Variants in HIBCH observed in about 807,000 individuals in gnomAD.
The protein encoded by HIBCH is 3-hydroxyisobutyryl-CoA hydrolase, mitochondrial.
Under a neutral mutation model 58.2 loss-of-function variants are expected in HIBCH, and 50 were observed. The observed-to-expected ratio is 0.86, with a 90% CI of 0.68 to 1.09. The LOEUF is 1.09. Among genes scored for constraint, HIBCH ranks in the 50% least tolerant of loss-of-function variants. The pLI, the probability that HIBCH is intolerant of heterozygous loss-of-function variation, is 0.00. For synonymous variants in HIBCH, 151 were observed against 146.9 expected (o/e 1.03, Z -0.20); for missense variants, 450 against 449.7 (o/e 1.00, Z -0.01).
chr2:190,298,802 G>C (rs966266096), intron 2 of HIBCH, among the ~76,000 whole-genome samples: 4 of 152,110 alleles, frequency 2.6e-5, no homozygotes, highest in African/African-American at 9.7e-5. Flanking sequence ...TGGTGTTTTA[G>C]TTATGAAGTC....
Position 190,319,731 on chromosome 2 carries a change from C to CACATCTCG in HIBCH, c.12_19dup (p.Trp7SerfsTer23). ...TCTCACTCACCTCGACATGAGCCTCCACATCTCGCGCTGCCCCATCGCCAA... is the reference window on the plus strand; with the variant it reads ...TCTCACTCACCTCGACATGAGCCTCCACATCTCGACATCTCGCGCTGCCCCATCGCCAA... On this transcript the variant is annotated frameshift_variant, in exon 1 of 14. Transcript: ENST00000359678. LOFTEE classifies it high-confidence loss of function. The CACATCTCG allele has an allele frequency of 1.2e-6, 2 of 1,612,980 alleles. No individual in the cohort carries two copies. The highest frequency in any genetic ancestry group is 2.2e-5 in the South Asian group (2 of 90,734).
chr2:190,290,388 G>C lies in HIBCH; in HGVS notation c.385+17C>G. On this transcript the variant is annotated intron_variant, in intron 5 of 13. Transcript: ENST00000359678. Reference sequence around the variant, plus strand: ...TTCTTTATTCCATTTCCAAAGCTCTGAGCAGAATACACATACCAACAGCAT... The same window carrying C: ...TTCTTTATTCCATTTCCAAAGCTCTCAGCAGAATACACATACCAACAGCAT... 1 of 1,523,916 alleles carries C rather than the reference G, an allele frequency of 6.6e-7. No individual in the cohort carries two copies. Among genetic ancestry groups the C allele is most frequent in the Non-Finnish European group, 9.1e-7 (1 of 1,098,312 alleles). The allele number at this position is 1,523,916 out of a possible 1,614,324, so 94.4% of individuals were successfully genotyped here. A position where few individuals can be genotyped will look rare whatever the true frequency, so the allele number is the denominator to read the frequency against.
intron 6 of HIBCH, among the ~76,000 whole-genome samples, chr2:190,271,282 CTTTT>C (rs35074167): frequency 2.4e-5 from 2 of 83,774 alleles, no homozygotes; most frequent in African/African-American, 4.9e-5. Flanking sequence ...CTCTACCCTA[CTTTT>C]TTTTTTTTTT....
Position 190,204,232 on chromosome 2 carries a change from ATTT to A in HIBCH, c.*882_*884del, listed in dbSNP as rs1448044727. On this transcript the variant is annotated 3_prime_UTR_variant, in exon 14 of 14. Coordinates refer to ENST00000359678, the MANE Select transcript of HIBCH (RefSeq NM_014362.4). ...ACAAAAGTCTTCTTGCTTTCAATTA[ATTT>A]TTTTCTCCTGACTTGAACCTTGTTT... 1 of 151,978 alleles carries A rather than the reference ATTT, an allele frequency of 6.6e-6. No homozygotes were observed. The highest frequency in any genetic ancestry group is 2.4e-5 in the African/African-American group (1 of 41,412). The allele number at this position is 151,978 out of a possible 1,614,324, so 9.4% of individuals were successfully genotyped here. A position where few individuals can be genotyped will look rare whatever the true frequency, so the allele number is the denominator to read the frequency against.
intron 6 of HIBCH, among the ~76,000 whole-genome samples, chr2:190,264,959 C>T (rs995196167): frequency 6.6e-6 from 1 of 151,682 alleles, no homozygotes; most frequent in African/African-American, 2.4e-5. Flanking sequence ...CCTGTCTCTA[C>T]TAAAACAACA....
chr2:190,314,510 G>A (rs1168799601), intron 1 of HIBCH, among the ~76,000 whole-genome samples: 1 of 151,690 alleles, frequency 6.6e-6, no homozygotes, highest in African/African-American at 2.4e-5. Context: ...ACAGAGTCTT[G>A]CTGTGTCACC....
chr2:190,296,018 T>C (rs752683279), intron 3 of HIBCH, among the ~76,000 whole-genome samples: 2 of 152,198 alleles, frequency 1.3e-5, no homozygotes, highest in Non-Finnish European at 2.9e-5. Flanking sequence ...TAAATAGAAA[T>C]CCACGTTTCA....
chr2:190,308,235 C>T (rs1489659896), intron 2 of HIBCH, among the ~76,000 whole-genome samples: 1 of 152,178 alleles, frequency 6.6e-6, no homozygotes, highest in Non-Finnish European at 1.5e-5. Context: ...TCTTCCCATT[C>T]CACCTTTGTA....
chr2:190,248,303 T>C (rs1226721556), intron 9 of HIBCH, among the ~76,000 whole-genome samples: 4 of 152,200 alleles, frequency 2.6e-5, no homozygotes, highest in African/African-American at 9.7e-5. Flanking sequence ...AGATGTGTTA[T>C]TAAGGGGTCC....
At chr2:190,194,098 C>T (rs987528681) in intron 1 of HIBCH, among the ~76,000 whole-genome samples, 2 of 152,046 alleles carry the variant, frequency 1.3e-5, no homozygotes, top group South Asian at 2.1e-4. Context: ...AGATATTTTA[C>T]TCTCTGGGGT....
intron 11 of HIBCH, among the ~76,000 whole-genome samples, chr2:190,221,649 T>G (rs920731338): frequency 1.3e-5 from 2 of 152,242 alleles, no homozygotes; most frequent in Admixed American, 6.5e-5. Context: ...GTTTTCCTGC[T>G]CGAATGTTGC....
At chr2:190,233,941 T>C (rs1385183751) in intron 11 of HIBCH, among the ~76,000 whole-genome samples, 1 of 152,168 alleles carries the variant, frequency 6.6e-6, no homozygotes, top group Non-Finnish European at 1.5e-5. Context: ...GTGGATCACA[T>C]GAGGTCAGGA....
intron 6 of HIBCH, among the ~76,000 whole-genome samples, chr2:190,271,170 A>T (rs1046436627): frequency 6.6e-6 from 1 of 151,744 alleles, no homozygotes; most frequent in African/African-American, 2.4e-5. Flanking sequence ...CCTGAAAGTC[A>T]TTCTTGCTCC....
chr2:190,207,193 T>C lies in HIBCH; in HGVS notation c.1045+1687A>G, dbSNP rs960486596. 6.6e-6 allele frequency among the ~76,000 whole-genome samples: 1 copy of C among 152,164 alleles called. No homozygotes were observed. The highest frequency in any genetic ancestry group is 1.9e-4 in the East Asian group (1 of 5,204). ...TTATGAATCAGAACTTTGATGCTGA[T>C]TGGTTTCAACATTTTTTCCTCAAAA... On this transcript the variant is annotated intron_variant, in intron 13 of 13. Coordinates refer to ENST00000359678, the MANE Select transcript of HIBCH (RefSeq NM_014362.4). The surrounding 1 kb of genome is among the most constrained non-coding windows in gnomAD (Gnocchi z 4.5).
intron 7 of HIBCH, among the ~76,000 whole-genome samples, chr2:190,258,675 A>G (rs1408225151): frequency 6.6e-6 from 1 of 152,248 alleles, no homozygotes; most frequent in Non-Finnish European, 1.5e-5. Flanking sequence ...TTTGGCGTCA[A>G]AGCCAAAAAA....
chr2:190,278,648 T>C (rs1160877679), intron 6 of HIBCH, among the ~76,000 whole-genome samples: 1 of 148,294 alleles, frequency 6.7e-6, no homozygotes. Context: ...AACTTTACCT[T>C]CACATTGGTA....
chr2:190,272,592 T>C (rs1466687068), intron 6 of HIBCH, among the ~76,000 whole-genome samples: 1 of 151,310 alleles, frequency 6.6e-6, no homozygotes, highest in Non-Finnish European at 1.5e-5. Context: ...GGTGGTTTCA[T>C]ATTACAAATG....
At chr2:190,307,440 G>C (rs1688441947) in intron 2 of HIBCH, among the ~76,000 whole-genome samples, 1 of 152,196 alleles carries the variant, frequency 6.6e-6, no homozygotes, top group African/African-American at 2.4e-5. Flanking sequence ...GAGGGGCCAA[G>C]GCAGGAAGAT....
chr2:190,291,160 C>T (rs747215465), intron 4 of HIBCH, among the ~76,000 whole-genome samples: 5 of 152,158 alleles, frequency 3.3e-5, no homozygotes, highest in Non-Finnish European at 7.3e-5. Flanking sequence ...AGTGCTACAA[C>T]GTATCCCATG....
Sources: gnomAD v4.1 joint callset for allele counts (sites outside exome capture counted in the v4.1 genomes callset) on GRCh38, gnomAD v4.1.1 for gene constraint, Gnocchi (gnomAD v3.1) non-coding constraint, MANE v1.5 for transcripts, NCBI Gene and HGNC (gene_info 2026-07-23, HGNC 2026-07-21) for gene names.